Variants in SFMBT2 observed in about 807,000 individuals in gnomAD.
SFMBT2 encodes the protein Scm like with four mbt domains 2.
Under a neutral mutation model 110.1 loss-of-function variants are expected in SFMBT2, and 38 were observed. That is an observed-to-expected ratio of 0.35 (90% CI 0.27 to 0.45). SFMBT2 has a LOEUF of 0.45. SFMBT2 is among the 20% of genes least tolerant of loss of function. The pLI is 1.00. For missense variants in SFMBT2, 1,011 were observed against 1,094.9 expected (o/e 0.92, Z 1.08); for synonymous variants, 425 against 425.4 (o/e 1.00, Z 0.01).
At chr10:7,225,421 C>T (rs76213898) in intron 10 of SFMBT2, among the ~76,000 whole-genome samples, 2,337 of 152,314 alleles carry the variant, frequency 0.015, 67 homozygotes, top group African/African-American at 0.052. Flanking sequence ...TCGTAATACG[C>T]ATTCCGTTAA....
At chr10:7,252,010 G>A (rs1010045162) in intron 7 of SFMBT2, among the ~76,000 whole-genome samples, 14 of 152,160 alleles carry the variant, frequency 9.2e-5, no homozygotes, top group Admixed American at 5.9e-4. Context: ...GCTTCTCTCT[G>A]TTCCACAAAA....
intron 1 of SFMBT2, among the ~76,000 whole-genome samples, chr10:7,393,842 T>C (rs1278261838): frequency 2.0e-5 from 3 of 152,136 alleles, no homozygotes; most frequent in Non-Finnish European, 2.9e-5. Flanking sequence ...AAACAGAAGA[T>C]ACAGGGACTT....
At chr10:7,402,870 T>C (rs1490551971) in intron 1 of SFMBT2, among the ~76,000 whole-genome samples, 2 of 152,218 alleles carry the variant, frequency 1.3e-5, no homozygotes, top group Non-Finnish European at 2.9e-5. Flanking sequence ...TGGCCAACAC[T>C]GTTTAGAAGG....
chr10:7,264,726 A>T (rs945158143), intron 7 of SFMBT2, among the ~76,000 whole-genome samples: 2 of 152,206 alleles, frequency 1.3e-5, no homozygotes, highest in African/African-American at 4.8e-5. Context: ...GACATGAAAC[A>T]GCGATCAATT....
At chr10:7,339,439 T>C (rs1253974526) in intron 4 of SFMBT2, among the ~76,000 whole-genome samples, 1 of 152,218 alleles carries the variant, frequency 6.6e-6, no homozygotes, top group Non-Finnish European at 1.5e-5. Context: ...TGCTAAGAGC[T>C]GAAGATACTT....
At chr10:7,213,898 G>A (rs1030628080) in intron 11 of SFMBT2, among the ~76,000 whole-genome samples, 2 of 152,232 alleles carry the variant, frequency 1.3e-5, no homozygotes, top group Non-Finnish European at 2.9e-5. Context: ...GCCACGCTGG[G>A]CACAGATGGC....
At chr10:7,254,235 G>A (rs1536495) in intron 7 of SFMBT2, among the ~76,000 whole-genome samples, 150,454 of 152,326 alleles carry the variant, frequency 0.99, 74,307 homozygotes, top group Middle Eastern at 1. Flanking sequence ...CATCCATTCC[G>A]ATCCTATATT....
Position 7,317,529 on chromosome 10 carries a change from T to C in SFMBT2, c.437-31575A>G, listed in dbSNP as rs367881249. 6.7e-4 allele frequency among the ~76,000 whole-genome samples: 100 copies of C among 148,762 alleles called. 3 individuals carry two copies. The South Asian group carries it at 0.02, about 30-fold the overall frequency. On this transcript the variant is annotated intron_variant, in intron 4 of 20. Transcript: ENST00000397167. ...GGTGGCGCATGCCTGTAATCCCAGC[T>C]ACTCAGGAGGCTGAGGGAGGAGAAC...
chr10:7,365,444 C>T (rs1254873991), intron 4 of SFMBT2, among the ~76,000 whole-genome samples: 3 of 152,200 alleles, frequency 2.0e-5, no homozygotes, highest in African/African-American at 7.2e-5. Context: ...ACTGAGAATT[C>T]CTCAAGCACA....
At chr10:7,316,615 C>A (rs1843020304) in intron 4 of SFMBT2, among the ~76,000 whole-genome samples, 1 of 152,230 alleles carries the variant, frequency 6.6e-6, no homozygotes, top group Non-Finnish European at 1.5e-5. Context: ...ATGCACAGGA[C>A]AAGTCACTCA....
chr10:7,375,473 G>A (rs1845174696), intron 2 of SFMBT2, among the ~76,000 whole-genome samples: 1 of 151,706 alleles, frequency 6.6e-6, no homozygotes, highest in African/African-American at 2.4e-5. Context: ...TTTTTTTAAT[G>A]TGGAAAGAGA....
chr10:7,273,074 C>T (rs1458049058), intron 7 of SFMBT2, among the ~76,000 whole-genome samples: 3 of 152,208 alleles, frequency 2.0e-5, no homozygotes, highest in African/African-American at 4.8e-5. Context: ...CGCTTACAGG[C>T]GTGAGCCACC....
rs191799414 is a variant in SFMBT2 at position 7,403,666 on chromosome 10, A to C, written c.-52+7195T>G. On this transcript the variant is annotated intron_variant, in intron 1 of 20. Transcript: ENST00000397167. ...CAAAATAAGTAAATAAATAAAAATAAATAAAGTGCTACACAAGTATCTCAC... is the reference window on the plus strand; with the variant it reads ...CAAAATAAGTAAATAAATAAAAATACATAAAGTGCTACACAAGTATCTCAC... 3.9e-5 allele frequency among the ~76,000 whole-genome samples: 6 copies of C among 152,310 alleles called. No homozygotes were observed. The East Asian group carries it at 1.2e-3, about 29-fold the overall frequency.
At chr10:7,247,769 G>A (rs934703069) in intron 8 of SFMBT2, among the ~76,000 whole-genome samples, 1 of 152,162 alleles carries the variant, frequency 6.6e-6, no homozygotes, top group African/African-American at 2.4e-5. Context: ...TAAGTTTCCC[G>A]CACCATTTGT....
intron 15 of SFMBT2, among the ~76,000 whole-genome samples, chr10:7,196,391 G>A (rs2080397099): frequency 6.6e-6 from 1 of 152,180 alleles, no homozygotes; most frequent in Admixed American, 6.5e-5. Context: ...ATGCCCACCT[G>A]TGTGGCCATG....
chr10:7,216,238 C>A (rs1839532631), intron 11 of SFMBT2, among the ~76,000 whole-genome samples: 1 of 152,148 alleles, frequency 6.6e-6, no homozygotes, highest in African/African-American at 2.4e-5. Flanking sequence ...GGCTGTGTCC[C>A]CACCCAAATC....
At chr10:7,291,433 T>C (rs750279075) in intron 4 of SFMBT2, among the ~76,000 whole-genome samples, 39 of 152,200 alleles carry the variant, frequency 2.6e-4, no homozygotes, top group Non-Finnish European at 4.9e-4. Context: ...CTTTTGGTAG[T>C]TCCTTCCTTC....
At chr10:7,198,943 G>GAGCAA (rs1436745649) in intron 14 of SFMBT2, among the ~76,000 whole-genome samples, 1 of 152,106 alleles carries the variant, frequency 6.6e-6, no homozygotes, top group Non-Finnish European at 1.5e-5. Context: ...TGGGTGAAAA[G>GAGCAA]AGCAAAACTC....
chr10:7,243,945 T>G (rs749505414), intron 8 of SFMBT2: 97 of 248,172 alleles, frequency 3.9e-4, no homozygotes, highest in South Asian at 8.8e-4. Flanking sequence ...AGAGTGAGAA[T>G]GAACAAAATC....
Sources: gnomAD v4.1 joint callset for allele counts (sites outside exome capture counted in the v4.1 genomes callset) on GRCh38, gnomAD v4.1.1 for gene constraint, MANE v1.5 for transcripts, NCBI Gene and HGNC (gene_info 2026-07-23, HGNC 2026-07-21) for gene names.